The following FER variants were observed in gnomAD, a reference collection of about 807,000 sequenced individuals.
The protein encoded by FER is tyrosine-protein kinase Fer.
FER carries 63 observed loss-of-function variants against 111.0 expected under a neutral mutation model. The observed-to-expected ratio is 0.57, with a 90% CI of 0.46 to 0.70. FER has a LOEUF of 0.70. Among genes scored for constraint, FER ranks in the 30% least tolerant of loss-of-function variants. FER has a pLI of 0.00. For missense variants in FER, 914 were observed against 954.0 expected (o/e 0.96, Z 0.55); for synonymous variants, 327 against 313.9 (o/e 1.04, Z -0.44).
rs1339427519 is a variant in FER at position 109,194,920 on chromosome 5, G to A, written c.*7345G>A. The A allele has an allele frequency of 6.6e-6, 1 of 152,128 alleles. No individual in the cohort carries two copies. The highest frequency in any genetic ancestry group is 2.4e-5 in the African/African-American group (1 of 41,390). The allele number at this position is 152,128 out of a possible 1,614,324, so 9.4% of individuals were successfully genotyped here. A position where few individuals can be genotyped will look rare whatever the true frequency, so the allele number is the denominator to read the frequency against. ...CCCCCCATTTGGGGACGGGGGGAGG[G>A]GTTCAGACCTCTAACCTGGATTCAG... On this transcript the variant is annotated 3_prime_UTR_variant, in exon 20 of 20. Transcript: ENST00000281092.
chr5:108,814,942 C>T (rs187490314), intron 3 of FER, among the ~76,000 whole-genome samples: 2 of 152,118 alleles, frequency 1.3e-5, no homozygotes, highest in East Asian at 1.9e-4. Flanking sequence ...TATCTTTTTC[C>T]CCCAACTACC....
chr5:108,802,480 A>G (rs1312948472), intron 3 of FER, among the ~76,000 whole-genome samples: 1 of 152,110 alleles, frequency 6.6e-6, no homozygotes, highest in Non-Finnish European at 1.5e-5. Flanking sequence ...CATAATACCC[A>G]ATAGTTTTTC....
chr5:109,118,322 A>G (rs1750529407), intron 17 of FER, among the ~76,000 whole-genome samples: 1 of 152,090 alleles, frequency 6.6e-6, no homozygotes, highest in African/African-American at 2.4e-5. Context: ...TGATTTTCGT[A>G]TGTTGAACCA....
intron 5 of FER, among the ~76,000 whole-genome samples, chr5:108,861,555 G>A (rs1221618900): frequency 6.6e-6 from 1 of 152,018 alleles, no homozygotes; most frequent in African/African-American, 2.4e-5. Flanking sequence ...CTGCTCCAAT[G>A]CCTGTCATCA....
At chr5:108,828,103 C>T (rs548268585) in intron 3 of FER, among the ~76,000 whole-genome samples, 8 of 152,244 alleles carry the variant, frequency 5.3e-5, no homozygotes, top group South Asian at 2.1e-4. Flanking sequence ...CTCCTGGCCT[C>T]AAATAATCCT....
intron 16 of FER, among the ~76,000 whole-genome samples, chr5:109,084,984 T>C (rs1357803089): frequency 6.6e-6 from 1 of 151,866 alleles, no homozygotes; most frequent in African/African-American, 2.4e-5. Context: ...GATTGAAACT[T>C]TGTAGTAATT....
At chr5:109,147,063 T>G (rs1448877003) in intron 17 of FER, among the ~76,000 whole-genome samples, 2 of 151,708 alleles carry the variant, frequency 1.3e-5, no homozygotes, top group African/African-American at 4.8e-5. Context: ...AATAAACAAC[T>G]GAATGGAAAA....
At chr5:108,997,707 A>G (rs1764180083) in intron 13 of FER, among the ~76,000 whole-genome samples, 1 of 151,986 alleles carries the variant, frequency 6.6e-6, no homozygotes, top group South Asian at 2.1e-4. Context: ...AGGGACGGTT[A>G]TGTCTGCTGA....
chr5:108,883,039 A>C (rs564878091), intron 8 of FER, among the ~76,000 whole-genome samples: 9 of 152,070 alleles, frequency 5.9e-5, no homozygotes, highest in South Asian at 4.1e-4. Flanking sequence ...TCTGCAAATA[A>C]TACTACTTAC....
At chr5:108,999,426 A>G (rs563645677) in intron 13 of FER, among the ~76,000 whole-genome samples, 52 of 152,270 alleles carry the variant, frequency 3.4e-4, no homozygotes, top group African/African-American at 1.1e-3. Flanking sequence ...ATGTAACACA[A>G]TTCATACATT....
intron 17 of FER, among the ~76,000 whole-genome samples, chr5:109,153,795 C>G (rs1201600997): frequency 6.6e-6 from 1 of 151,822 alleles, no homozygotes; most frequent in Non-Finnish European, 1.5e-5. Flanking sequence ...AACCCAGGCT[C>G]TAGAGTCCTT....
At chr5:108,814,256 T>C (rs1758052746) in intron 3 of FER, among the ~76,000 whole-genome samples, 1 of 152,118 alleles carries the variant, frequency 6.6e-6, no homozygotes. Context: ...TTTAATTTAT[T>C]TTACAGGAAA....
Position 109,031,180 on chromosome 5 carries a change from C to G in FER, c.1657-6242C>G, listed in dbSNP as rs573895640. On this transcript the variant is annotated intron_variant, in intron 13 of 19. Coordinates refer to ENST00000281092, the MANE Select transcript of FER (RefSeq NM_005246.4). ...GGAGGAATAGGCCTAACTGAGCCGC[C>G]TTCTATGGCTATGTTGGGAGTCAAA... Among the ~76,000 whole-genome samples, 4 of 152,186 alleles carry G rather than the reference C, an allele frequency of 2.6e-5. No homozygotes were observed. In the East Asian group the frequency reaches 7.7e-4, roughly 29 times the overall value.
intron 18 of FER, among the ~76,000 whole-genome samples, chr5:109,185,191 G>A (rs2126879220): frequency 6.6e-6 from 1 of 152,188 alleles, no homozygotes; most frequent in East Asian, 1.9e-4. Context: ...TGCTTCTCTA[G>A]GAGACTACCA....
chr5:108,981,674 A>C (rs1295760047), intron 13 of FER, among the ~76,000 whole-genome samples: 1 of 152,094 alleles, frequency 6.6e-6, no homozygotes, highest in Non-Finnish European at 1.5e-5. Context: ...TTTACTCATT[A>C]AATTTTTGTA....
intron 8 of FER, among the ~76,000 whole-genome samples, chr5:108,878,515 G>T (rs192614184): frequency 6.6e-6 from 1 of 151,990 alleles, no homozygotes; most frequent in Non-Finnish European, 1.5e-5. Context: ...TCTTCTTAAT[G>T]TGTACAGTGT....
At chr5:109,007,008 T>C (rs1765581826) in intron 13 of FER, among the ~76,000 whole-genome samples, 1 of 152,222 alleles carries the variant, frequency 6.6e-6, no homozygotes. Flanking sequence ...CTGTGCTTTT[T>C]ATATTCTGAT....
chr5:109,052,314 C>T (rs961134151), intron 16 of FER: 4 of 1,606,136 alleles, frequency 2.5e-6, no homozygotes, highest in Non-Finnish European at 3.4e-6. Context: ...AGGCAGACTG[C>T]TCATCTCCCC....
chr5:109,033,481 C>G (rs1769928214), intron 13 of FER, among the ~76,000 whole-genome samples: 3 of 152,082 alleles, frequency 2.0e-5, no homozygotes, highest in Admixed American at 2.0e-4. Context: ...TCTTCAGCAA[C>G]TCCCCATTCT....
Sources: gnomAD v4.1 joint callset for allele counts (sites outside exome capture counted in the v4.1 genomes callset) on GRCh38, gnomAD v4.1.1 for gene constraint, MANE v1.5 for transcripts, NCBI Gene and HGNC (gene_info 2026-07-23, HGNC 2026-07-21) for gene names.